Variants in FAF1 observed in about 807,000 individuals in gnomAD.
The protein encoded by FAF1 is FAS-associated factor 1.
A neutral mutation model predicts 92.5 loss-of-function variants in FAF1; 25 were observed. The ratio of observed to expected loss-of-function variants is 0.27; its 90% confidence interval spans 0.20 to 0.38. The LOEUF is 0.38. Ranked by LOEUF, FAF1 falls within the 10% of genes least tolerant of loss-of-function variation. The pLI, the probability that FAF1 is intolerant of heterozygous loss-of-function variation, is 1.00. For missense variants in FAF1, 636 were observed against 793.3 expected (o/e 0.80, Z 2.38); for synonymous variants, 234 against 273.2 (o/e 0.86, Z 1.42).
intron 1 of FAF1, among the ~76,000 whole-genome samples, chr1:50,951,585 A>G (rs1315014409): frequency 6.6e-6 from 1 of 152,234 alleles, no homozygotes; most frequent in Non-Finnish European, 1.5e-5. Flanking sequence ...TCCAAAGTCC[A>G]TGTCCTTAAC....
intron 17 of FAF1, among the ~76,000 whole-genome samples, chr1:50,483,027 T>C (rs1646721177): frequency 6.6e-6 from 1 of 152,218 alleles, no homozygotes; most frequent in South Asian, 2.1e-4. Flanking sequence ...GTTGTGTCTT[T>C]GGTGTCAGAT....
At chr1:50,662,941 C>T (rs1569708681) in intron 7 of FAF1, among the ~76,000 whole-genome samples, 1 of 151,586 alleles carries the variant, frequency 6.6e-6, no homozygotes, top group South Asian at 2.1e-4. Context: ...TCGTGATCCG[C>T]CCGCCTTGGC....
At chr1:50,612,079 T>A (rs57743355) in intron 8 of FAF1, among the ~76,000 whole-genome samples, 1 of 152,252 alleles carries the variant, frequency 6.6e-6, no homozygotes, top group African/African-American at 2.4e-5. Context: ...CTTAATAGTT[T>A]GAAAAATTTA....
chr1:50,792,964 C>T (rs1186630488), intron 3 of FAF1, among the ~76,000 whole-genome samples: 2 of 152,146 alleles, frequency 1.3e-5, no homozygotes, highest in African/African-American at 4.8e-5. Flanking sequence ...AAGTACTTAA[C>T]TGAGCATGGG....
intron 12 of FAF1, among the ~76,000 whole-genome samples, chr1:50,574,900 T>G (rs1214847319): frequency 0.011 from 876 of 79,918 alleles, 51 homozygotes; most frequent in African/African-American, 0.041. Flanking sequence ...TATTAACTCT[T>G]TTTTTTTTTT....
intron 13 of FAF1, among the ~76,000 whole-genome samples, chr1:50,544,430 C>T (rs1322436409): frequency 6.6e-6 from 1 of 152,024 alleles, no homozygotes. Flanking sequence ...CGTCTCCAAC[C>T]CCACCCCAGG....
At chr1:50,822,774 CTTTTT>C (rs772097310) in intron 2 of FAF1, among the ~76,000 whole-genome samples, 1 of 125,230 alleles carries the variant, frequency 8.0e-6, no homozygotes. Context: ...TTCTTTCTTT[CTTTTT>C]TTTTTTTTTT....
rs142807959 is a variant in FAF1, at chr1:50,612,132, C to T, written c.745-15916G>A. On this transcript the variant is annotated intron_variant, in intron 8 of 18. Transcript: ENST00000396153. ...GAAAAGTGCATTATTAGAAATGTAA[C>T]ATTTTCTGAAGATATTTTTCTTCAT... is the stretch of plus-strand genomic sequence containing the variant. Among the ~76,000 whole-genome samples, 93 of 152,232 alleles carry T rather than the reference C, an allele frequency of 6.1e-4. 1 individual carries two copies. Among genetic ancestry groups the T allele is most frequent in the African/African-American group, 2.2e-3 (90 of 41,542 alleles).
intron 8 of FAF1, among the ~76,000 whole-genome samples, chr1:50,624,436 C>T (rs976357267): frequency 7.9e-5 from 12 of 152,108 alleles, no homozygotes; most frequent in South Asian, 4.2e-4. Context: ...CGTGAGCCAC[C>T]GCGCCCGGCC....
At chr1:50,666,465 C>T (rs1005964216) in intron 7 of FAF1, among the ~76,000 whole-genome samples, 1 of 152,148 alleles carries the variant, frequency 6.6e-6, no homozygotes, top group Non-Finnish European at 1.5e-5. Context: ...CCTCAGCCCC[C>T]TCAAAGTGCT....
chr1:50,527,428 C>T (rs1310619220), intron 15 of FAF1, among the ~76,000 whole-genome samples: 1 of 152,184 alleles, frequency 6.6e-6, no homozygotes, highest in Non-Finnish European at 1.5e-5. Flanking sequence ...GTAATTGTCT[C>T]CCAATCTGTG....
chr1:50,932,256 C>T (rs980343293), intron 1 of FAF1, among the ~76,000 whole-genome samples: 4 of 152,202 alleles, frequency 2.6e-5, no homozygotes, highest in Non-Finnish European at 5.9e-5. Context: ...CAAAAGTCCA[C>T]AGTCCAAAGT....
intron 2 of FAF1, among the ~76,000 whole-genome samples, chr1:50,829,875 A>C (rs748454398): frequency 1.9e-4 from 29 of 152,230 alleles, no homozygotes; most frequent in Non-Finnish European, 3.7e-4. Flanking sequence ...TTGTAAATCA[A>C]AAAGCACTAC....
intron 2 of FAF1, among the ~76,000 whole-genome samples, chr1:50,811,613 T>C (rs140289895): frequency 3.3e-5 from 5 of 152,330 alleles, no homozygotes; most frequent in African/African-American, 9.6e-5. Flanking sequence ...AGAATCAATA[T>C]TGTGAAAATG....
chr1:50,598,772 ACCAG>A (rs1230201437), intron 8 of FAF1, among the ~76,000 whole-genome samples: 1 of 152,114 alleles, frequency 6.6e-6, no homozygotes, highest in East Asian at 1.9e-4. Context: ...AGAATTCGAG[ACCAG>A]CCTGACCAAC....
rs538524843 is a variant in FAF1, at chr1:50,596,137, C to A, written c.824G>T (p.Arg275Leu). ...VGRRSSPAQT[R>L]EQSEEQITDV... ...CAGGCTTACTTCTTCCGACTGTTCC[C>A]GGGTCTGTGCAGGTGAAGATCTTCT... is the stretch of plus-strand genomic sequence containing the variant. The change falls in exon 9 of 19, where the codon CGG becomes CTG. Residue 275 changes from arginine (R) to leucine (L), a missense_variant. Physicochemically the swap from Arg to Leu is moderately radical, Grantham distance 102 (BLOSUM62 -2). Around this residue, in one of 2 missense-constraint regions of FAF1, gnomAD observed 317 missense variants for 342.4 expected, o/e 0.93. Transcript: ENST00000396153. 3 of 1,613,550 alleles carry A rather than the reference C, an allele frequency of 1.9e-6. No individual in the cohort carries two copies. In the East Asian group the frequency reaches 6.7e-5, roughly 36 times the overall value.
At chr1:50,672,279 G>A (rs192778996) in intron 7 of FAF1, among the ~76,000 whole-genome samples, 1 of 152,144 alleles carries the variant, frequency 6.6e-6, no homozygotes, top group East Asian at 1.9e-4. Flanking sequence ...CTGACCTTGT[G>A]ATCCACCCGC....
At chr1:50,606,694 T>C (rs988503629) in intron 8 of FAF1, among the ~76,000 whole-genome samples, 9 of 151,682 alleles carry the variant, frequency 5.9e-5, no homozygotes, top group Non-Finnish European at 1.3e-4. Flanking sequence ...AGAGACGGAG[T>C]TTCTCCATGT....
chr1:50,692,294 G>GTGTGT (rs1187912073), intron 7 of FAF1, among the ~76,000 whole-genome samples: 5 of 98,694 alleles, frequency 5.1e-5, no homozygotes. Context: ...TGTGTGTGTG[G>GTGTGT]TGGGAACATT....
Sources: gnomAD v4.1 joint callset for allele counts (sites outside exome capture counted in the v4.1 genomes callset) on GRCh38, gnomAD v4.1.1 for gene constraint, gnomAD v4.1.1 regional missense constraint, MANE v1.5 for transcripts, NCBI Gene and HGNC (gene_info 2026-07-23, HGNC 2026-07-21) for gene names.